The following TECRL variants were observed in gnomAD, a reference collection of about 807,000 sequenced individuals.
TECRL encodes the protein trans-2,3-enoyl-CoA reductase like, also known as trans-2,3-enoyl-CoA reductase-like.
TECRL carries 63 observed loss-of-function variants against 52.8 expected under a neutral mutation model. The ratio of observed to expected loss-of-function variants is 1.19; its 90% CI spans 0.97 to 1.47. The LOEUF (loss-of-function observed/expected upper bound fraction) is 1.47. TECRL is among the 40% of genes most tolerant of loss of function. The pLI is 0.00. For synonymous variants in TECRL, 164 were observed against 141.9 expected, an observed-to-expected ratio of 1.16 and a Z score of -1.10; for missense variants, 482 against 429.6, an observed-to-expected ratio of 1.12 and a Z score of -1.08.
chr4:64,324,900 T>A (rs1718146306), intron 3 of TECRL, among the ~76,000 whole-genome samples: 1 of 152,184 alleles, frequency 6.6e-6, no homozygotes, highest in African/African-American at 2.4e-5. Context: ...TTCTGCTACC[T>A]GTATAATCCC....
intron 2 of TECRL, among the ~76,000 whole-genome samples, chr4:64,332,057 G>A (rs952924951): frequency 1.3e-5 from 2 of 152,044 alleles, no homozygotes; most frequent in African/African-American, 2.4e-5. Context: ...AAAGAATTAG[G>A]GAACCAAGAT....
rs1158807871 is a variant in TECRL at position 64,280,135 on chromosome 4, A to G, written c.1029T>C (p.Ile343=). The G allele has an allele frequency of 6.2e-7, 1 of 1,604,160 alleles. No homozygotes were observed. The highest frequency in any genetic ancestry group is 8.5e-7 in the Non-Finnish European group (1 of 1,175,756). The change falls in exon 12 of 12, where the codon ATT becomes ATC. Residue 343 remains isoleucine, a synonymous_variant. Transcript: ENST00000381210. ...TATATGAATTGAATTTTCTCAGATA[A>G]ATCTTATGTTTCTTTTGTGCCCACA... ...MSLWAQKKHK[I]YLRKFNSYIH...
intron 4 of TECRL, among the ~76,000 whole-genome samples, chr4:64,316,368 T>C (rs1350001834): frequency 6.6e-6 from 1 of 152,068 alleles, no homozygotes; most frequent in Admixed American, 6.5e-5. Flanking sequence ...GCTTAATATT[T>C]TATAAAGAAT....
intron 2 of TECRL, among the ~76,000 whole-genome samples, chr4:64,348,527 A>T (rs755213747): frequency 7.2e-5 from 11 of 152,220 alleles, no homozygotes; most frequent in Non-Finnish European, 1.3e-4. Context: ...TTTTGATCCT[A>T]CCTCGGTTCC....
Position 64,375,199 on chromosome 4 carries a change from C to A in TECRL, c.259G>T (p.Asp87Tyr). The A allele has an allele frequency of 7.1e-7, 1 of 1,399,532 alleles. No individual in the cohort carries two copies. The highest frequency in any genetic ancestry group is 9.5e-7 in the Non-Finnish European group (1 of 1,057,100). The allele number at this position is 1,399,532 out of a possible 1,614,324, so 86.7% of individuals were successfully genotyped here. A position where few individuals can be genotyped will look rare whatever the true frequency, so the allele number is the denominator to read the frequency against. Reference protein sequence around the residue: ...DKVTQSSTIHDVKQKFHKACP... With the variant: ...DKVTQSSTIHYVKQKFHKACP... ...GCTTTGTGAAACTTTTGCTTAACAT[C>A]ATGAATAGTAGATGATTGTGTCACC... Residue 87 changes from aspartate to tyrosine, a missense_variant, in exon 2 of 12, where the codon GAT (aspartate) becomes TAT (tyrosine). Transcript: ENST00000381210.
At chr4:64,280,737 C>A (rs1341292687) in intron 11 of TECRL, among the ~76,000 whole-genome samples, 1 of 152,146 alleles carries the variant, frequency 6.6e-6, no homozygotes, top group East Asian at 1.9e-4. Flanking sequence ...CATGCCTGTG[C>A]ACATGCACAA....
chr4:64,291,749 C>T (rs1291399793), intron 8 of TECRL, among the ~76,000 whole-genome samples: 4 of 151,488 alleles, frequency 2.6e-5, no homozygotes, highest in African/African-American at 9.7e-5. Context: ...TATAATAACA[C>T]CAAATTTTTC....
At chr4:64,290,018 C>A (rs1723293174) in intron 8 of TECRL, among the ~76,000 whole-genome samples, 1 of 152,142 alleles carries the variant, frequency 6.6e-6, no homozygotes, top group Non-Finnish European at 1.5e-5. Context: ...GTTTGATAAT[C>A]AAGTTTAAAC....
At chr4:64,348,800 G>A (rs1720172239) in intron 2 of TECRL, among the ~76,000 whole-genome samples, 1 of 152,010 alleles carries the variant, frequency 6.6e-6, no homozygotes, top group Non-Finnish European at 1.5e-5. Flanking sequence ...ATTTTTCATG[G>A]TTCCCGGTGA....
chr4:64,396,421 A>T (rs1414749052), intron 1 of TECRL, among the ~76,000 whole-genome samples: 2 of 152,150 alleles, frequency 1.3e-5, no homozygotes, highest in Non-Finnish European at 2.9e-5. Flanking sequence ...TCTAATGATT[A>T]GTAATGTTGA....
At chr4:64,403,373 A>C (rs191394871) in intron 1 of TECRL, among the ~76,000 whole-genome samples, 3 of 151,998 alleles carry the variant, frequency 2.0e-5, no homozygotes, top group Admixed American at 1.3e-4. Flanking sequence ...ATGAAAAAAA[A>C]AAGGATGATT....
chr4:64,372,804 A>G (rs1722069205), intron 2 of TECRL, among the ~76,000 whole-genome samples: 1 of 151,642 alleles, frequency 6.6e-6, no homozygotes, highest in African/African-American at 2.4e-5. Flanking sequence ...GAAAACAAAC[A>G]ATGTCAGAAA....
Position 64,378,200 on chromosome 4 carries a change from T to C in TECRL, c.235-2977A>G, listed in dbSNP as rs540807156. On this transcript the variant is annotated intron_variant, in intron 1 of 11. Transcript: ENST00000381210. ...GTTTTTGAAGACACAAGGAAGAAAA[T>C]TGCCGAAAGAATCACATGTTAAGCT... Among the ~76,000 whole-genome samples, 1,040 of 152,050 alleles carry C rather than the reference T, an allele frequency of 6.8e-3. 6 individuals carry two copies. The highest frequency in any genetic ancestry group is 0.012 in the Non-Finnish European group (835 of 67,978).
chr4:64,337,726 T>A (rs1030718367), intron 2 of TECRL, among the ~76,000 whole-genome samples: 1 of 152,158 alleles, frequency 6.6e-6, no homozygotes, highest in Middle Eastern at 3.2e-3. Context: ...ACAAGGGATA[T>A]GAAGGACCTC....
At chr4:64,370,834 C>T (rs1163202932) in intron 2 of TECRL, among the ~76,000 whole-genome samples, 4 of 151,766 alleles carry the variant, frequency 2.6e-5, no homozygotes, top group Non-Finnish European at 4.4e-5. Flanking sequence ...TAATCATGTG[C>T]TTAGTAATAT....
At chr4:64,298,504 ATATT>A (rs1414366999) in intron 8 of TECRL, among the ~76,000 whole-genome samples, 1 of 151,234 alleles carries the variant, frequency 6.6e-6, no homozygotes, top group Non-Finnish European at 1.5e-5. Flanking sequence ...ATATTATAAC[ATATT>A]TATAGTAACA....
chr4:64,277,011 T>A, downstream of TECRL: 3 of 1,493,810 alleles, frequency 2.0e-6, no homozygotes, highest in Non-Finnish European at 2.7e-6. Flanking sequence ...GGTGTAAATT[T>A]GTCAGGCTTT....
At chr4:64,333,884 C>A (rs1017478359) in intron 2 of TECRL, among the ~76,000 whole-genome samples, 3 of 139,308 alleles carry the variant, frequency 2.2e-5, no homozygotes, top group East Asian at 4.0e-4. Flanking sequence ...ATTAGCCGGG[C>A]GCGGTGGCGG....
At chr4:64,401,942 A>G (rs1175560058) in intron 1 of TECRL, among the ~76,000 whole-genome samples, 1 of 152,164 alleles carries the variant, frequency 6.6e-6, no homozygotes, top group Non-Finnish European at 1.5e-5. Flanking sequence ...TCTCAGATTT[A>G]CCATTTTAAG....
Sources: gnomAD v4.1 joint callset for allele counts (sites outside exome capture counted in the v4.1 genomes callset) on GRCh38, gnomAD v4.1.1 for gene constraint, MANE v1.5 for transcripts, NCBI Gene and HGNC (gene_info 2026-07-23, HGNC 2026-07-21) for gene names.